The following ZNF420 variants were observed in gnomAD, a reference collection of about 807,000 sequenced individuals.
ZNF420 encodes the protein ATM and p53-associated KZNF protein.
In ZNF420, 31 loss-of-function variants were observed where a neutral mutation model predicts 44.7. The observed-to-expected ratio is 0.69, with a 90% CI of 0.52 to 0.94. The LOEUF (loss-of-function observed/expected upper bound fraction) is 0.94. Ranked by LOEUF, ZNF420 falls within the 40% of genes least tolerant of loss-of-function variation. The pLI, the probability that ZNF420 is intolerant of heterozygous loss-of-function variation, is 0.00. For synonymous variants in ZNF420, 245 were observed against 267.4 expected (o/e 0.92, Z 0.82); for missense variants, 681 against 827.9 (o/e 0.82, Z 2.18).
intron 1 of ZNF420, among the ~76,000 whole-genome samples, chr19:37,011,458 A>G (rs2074568309): frequency 6.6e-6 from 1 of 152,100 alleles, no homozygotes; most frequent in Non-Finnish European, 1.5e-5. Context: ...CCAGAACTGA[A>G]TCTTTTGGCT....
Position 37,129,324 on chromosome 19 carries a change from A to G in ZNF420, c.*266A>G, listed in dbSNP as rs1411610607. Reference sequence around the variant, plus strand: ...GAAAACAAATATCTTTTTCAACGTTATCTTAGCTCTACTAGTTGATCTTTT... The same window carrying G: ...GAAAACAAATATCTTTTTCAACGTTGTCTTAGCTCTACTAGTTGATCTTTT... On this transcript the variant is annotated 3_prime_UTR_variant, in exon 5 of 5. Coordinates refer to ENST00000337995, the MANE Select transcript of ZNF420 (RefSeq NM_144689.5). 4.8e-6 allele frequency: 2 copies of G among 416,682 alleles called. No homozygotes were observed. The highest frequency in any genetic ancestry group is 8.3e-5 in the East Asian group (2 of 24,146). The allele number at this position is 416,682 out of a possible 1,614,324, so 25.8% of individuals were successfully genotyped here.
At chr19:37,047,749 T>C (rs1967567314) in intron 1 of ZNF420, among the ~76,000 whole-genome samples, 1 of 152,214 alleles carries the variant, frequency 6.6e-6, no homozygotes, top group Non-Finnish European at 1.5e-5. Flanking sequence ...CAGAATACAT[T>C]CTCTTAAGGG....
At chr19:37,012,805 T>C (rs1309618237) in intron 1 of ZNF420, among the ~76,000 whole-genome samples, 1 of 142,802 alleles carries the variant, frequency 7.0e-6, no homozygotes, top group Non-Finnish European at 1.5e-5. Context: ...TGTGTGTGTG[T>C]GTGTGTGTCT....
chr19:37,026,761 T>TA (rs1376204791), intron 1 of ZNF420, among the ~76,000 whole-genome samples: 3 of 152,268 alleles, frequency 2.0e-5, no homozygotes, highest in South Asian at 2.1e-4. Flanking sequence ...CACGCCTGGC[T>TA]AAAAAAACCA....
chr19:37,096,902 CTT>C (rs1320093092), intron 4 of ZNF420, among the ~76,000 whole-genome samples: 18 of 141,926 alleles, frequency 1.3e-4, no homozygotes, highest in Non-Finnish European at 1.4e-4. Flanking sequence ...TTTTCTTATT[CTT>C]TTTTTTTTTT....
At chr19:37,012,764 CTCTGTG>C (rs1375796256) in intron 1 of ZNF420, among the ~76,000 whole-genome samples, 17,963 of 132,208 alleles carry the variant, frequency 0.14, 1,339 homozygotes, top group Non-Finnish European at 0.15. Flanking sequence ...TGCTATATGT[CTCTGTG>C]TGTGTGTGTG....
At chr19:37,026,872 T>C (rs767438241) in intron 1 of ZNF420, among the ~76,000 whole-genome samples, 4 of 152,202 alleles carry the variant, frequency 2.6e-5, no homozygotes, top group Non-Finnish European at 4.4e-5. Flanking sequence ...TAATAAAATA[T>C]TAGTCAATAC....
At chr19:37,022,034 A>C (rs1021981395) in intron 1 of ZNF420, among the ~76,000 whole-genome samples, 2 of 151,406 alleles carry the variant, frequency 1.3e-5, no homozygotes, top group Admixed American at 1.3e-4. Flanking sequence ...TCAATTTTGG[A>C]ATAGGAAATT....
chr19:37,011,470 C>T (rs551037366), intron 1 of ZNF420, among the ~76,000 whole-genome samples: 1 of 152,248 alleles, frequency 6.6e-6, no homozygotes, highest in East Asian at 1.9e-4. Flanking sequence ...CTTTTGGCTG[C>T]CATGAATGTC....
intron 1 of ZNF420, among the ~76,000 whole-genome samples, chr19:37,011,819 T>C (rs2074571438): frequency 6.6e-6 from 1 of 152,162 alleles, no homozygotes; most frequent in African/African-American, 2.4e-5. Flanking sequence ...GTGGTCGCAT[T>C]GGCTCCACCT....
At position 37,129,883 on chromosome 19, in the gene ZNF420, T is replaced by C; in HGVS notation, c.*825T>C. The C allele has an allele frequency of 9.2e-7, 1 of 1,090,916 alleles. No homozygotes were observed. Among genetic ancestry groups the C allele is most frequent in the African/African-American group, 1.6e-5 (1 of 61,966 alleles). The allele number at this position is 1,090,916 out of a possible 1,614,324, so 67.6% of individuals were successfully genotyped here. A position where few individuals can be genotyped will look rare whatever the true frequency, so the allele number is the denominator to read the frequency against. ...ATAAATCTAGGAATTTTTTAAAAAC[T>C]TGAATGTATTGCTTTTGAAGTAAAC... On this transcript the variant is annotated 3_prime_UTR_variant, in exon 5 of 5. Transcript: ENST00000337995.
At chr19:37,124,076 C>T (rs1007340998) in intron 4 of ZNF420, among the ~76,000 whole-genome samples, 1 of 152,126 alleles carries the variant, frequency 6.6e-6, no homozygotes, top group African/African-American at 2.4e-5. Context: ...CTCATGCTTT[C>T]TTCTTTCATT....
rs527556374 is a variant in ZNF420 at position 37,041,994 on chromosome 19, T to C, written c.-125+33912T>C. Among the ~76,000 whole-genome samples, 12 of 152,300 alleles carry C rather than the reference T, an allele frequency of 7.9e-5. No individual in the cohort carries two copies. The South Asian group carries it at 2.3e-3, about 29-fold the overall frequency. On this transcript the variant is annotated intron_variant, in intron 1 of 4. Transcript: ENST00000587029. ...CCAGCGTCTATTTTCTTTTTTCTTT[T>C]ATTTTCTGTTTTTCTTTTTAATGGA...
chr19:37,096,728 CT>C (rs1370756749), intron 4 of ZNF420, among the ~76,000 whole-genome samples: 8 of 152,086 alleles, frequency 5.3e-5, no homozygotes, highest in African/African-American at 1.9e-4. Context: ...TTCTTTTATG[CT>C]TCACATACTT....
chr19:37,112,864 G>T (rs1970454107), intron 4 of ZNF420, among the ~76,000 whole-genome samples: 1 of 152,172 alleles, frequency 6.6e-6, no homozygotes, highest in Non-Finnish European at 1.5e-5. Flanking sequence ...TAGTCCTACA[G>T]TCCCCTCAGG....
intron 4 of ZNF420, among the ~76,000 whole-genome samples, chr19:37,095,853 C>T (rs1444757569): frequency 6.6e-6 from 1 of 152,240 alleles, no homozygotes; most frequent in Admixed American, 6.5e-5. Flanking sequence ...CCCACCTCCA[C>T]CTCCCAGAGT....
chr19:37,127,728 C>A lies in ZNF420; in HGVS notation c.737C>A (p.Thr246Asn). 1 of 1,614,020 alleles carries A rather than the reference C, an allele frequency of 6.2e-7. No individual in the cohort carries two copies. Among genetic ancestry groups the A allele is most frequent in the Non-Finnish European group, 8.5e-7 (1 of 1,179,952 alleles). Residue 246 changes from threonine to asparagine, a missense_variant, in exon 5 of 5, where the codon ACT becomes AAT. Transcript: ENST00000337995. Reference sequence around the variant, plus strand: ...CTTACCCGACATCAAAAAGTTCATACTGGTGAGAAACCTTATGAATGTAAA... The same window carrying A: ...CTTACCCGACATCAAAAAGTTCATAATGGTGAGAAACCTTATGAATGTAAA... The part of the protein sequence containing the change: ...SQLTRHQKVH[T>N]GEKPYECKEC...
chr19:37,020,500 G>T (rs919900935), intron 1 of ZNF420, among the ~76,000 whole-genome samples: 1 of 152,052 alleles, frequency 6.6e-6, no homozygotes, highest in African/African-American at 2.4e-5. Flanking sequence ...GGCCTAAATC[G>T]GCCAGAAGCC....
intron 1 of ZNF420, among the ~76,000 whole-genome samples, chr19:37,030,550 A>G (rs1967239334): frequency 6.6e-6 from 1 of 152,344 alleles, no homozygotes; most frequent in African/African-American, 2.4e-5. Context: ...GGCTAACTTC[A>G]CTTGGTATAA....
Sources: allele counts gnomAD v4.1 joint callset (sites outside exome capture counted in the v4.1 genomes callset), GRCh38; gene constraint gnomAD v4.1.1; transcripts MANE v1.5; gene names NCBI Gene and HGNC (gene_info 2026-07-23, HGNC 2026-07-21).